SEM1: variants seen among roughly 807,000 people sequenced by gnomAD.
SEM1 encodes 26S proteasome complex subunit SEM1.
A neutral mutation model predicts 12.7 loss-of-function variants in SEM1; 3 were observed. The observed-to-expected ratio is 0.24, with a 90% CI of 0.11 to 0.61. SEM1 has a LOEUF of 0.61. Ranked by LOEUF, SEM1 falls within the 20% of genes least tolerant of loss-of-function variation. The pLI, the probability that SEM1 is intolerant of heterozygous loss-of-function variation, is 0.88. For synonymous variants in SEM1, 30 were observed against 27.8 expected, an observed-to-expected ratio of 1.08 and a Z score of -0.25; for missense variants, 59 against 81.3, an observed-to-expected ratio of 0.73 and a Z score of 1.06.
chr7:96,591,844 A>G (rs529126596), intron 2 of SEM1, among the ~76,000 whole-genome samples: 1 of 150,842 alleles, frequency 6.6e-6, no homozygotes, highest in South Asian at 2.1e-4. Context: ...AAAACAACAG[A>G]CATTTGCTAA....
At chr7:96,587,140 C>T (rs1337619417) in intron 2 of SEM1, among the ~76,000 whole-genome samples, 1 of 152,062 alleles carries the variant, frequency 6.6e-6, no homozygotes, top group Non-Finnish European at 1.5e-5. Context: ...AACATGAATA[C>T]ATTTATTAAC....
At chr7:96,667,759 C>T (rs914689827) in intron 2 of SEM1, among the ~76,000 whole-genome samples, 3 of 152,154 alleles carry the variant, frequency 2.0e-5, no homozygotes, top group Admixed American at 6.6e-5. Flanking sequence ...TTTCTTTAGT[C>T]CCAACGGCCT....
intron 2 of SEM1, among the ~76,000 whole-genome samples, chr7:96,526,472 T>G (rs1005794753): frequency 6.6e-6 from 1 of 151,976 alleles, no homozygotes; most frequent in African/African-American, 2.4e-5. Context: ...AGTCAGGAAG[T>G]GCTCAATGAA....
intron 2 of SEM1, among the ~76,000 whole-genome samples, chr7:96,555,797 G>A (rs1253017147): frequency 2.0e-5 from 3 of 148,278 alleles, no homozygotes; most frequent in African/African-American, 7.6e-5. Flanking sequence ...GGGTGTTAAA[G>A]TCTCCCATTA....
intron 2 of SEM1, among the ~76,000 whole-genome samples, chr7:96,607,189 T>C (rs1320231623): frequency 6.6e-6 from 1 of 152,222 alleles, no homozygotes; most frequent in Non-Finnish European, 1.5e-5. Flanking sequence ...TTCTCAGCTC[T>C]CATGGAGTTT....
At chr7:96,558,706 A>C (rs1805606473) in intron 2 of SEM1, among the ~76,000 whole-genome samples, 1 of 152,222 alleles carries the variant, frequency 6.6e-6, no homozygotes, top group African/African-American at 2.4e-5. Context: ...TAAACTGCTC[A>C]TTTGTTTATT....
At position 96,527,695 on chromosome 7, in the gene SEM1, T is replaced by C. The variant is rs73390929; in HGVS notation, c.171-20997A>G. 4.9e-3 allele frequency among the ~76,000 whole-genome samples: 748 copies of C among 152,270 alleles called. 4 individuals carry two copies. Among genetic ancestry groups the C allele is most frequent in the African/African-American group, 0.017 (722 of 41,578 alleles). The stretch of plus-strand genomic sequence containing the variant: ...GCAAGTTTATTAATTCACATCGTTA[T>C]CATTGTTATTATTGCCACAACTGGT... On this transcript the variant is annotated intron_variant and NMD_transcript_variant, in intron 2 of 3. Coordinates refer to the SEM1 transcript ENST00000466986.
At chr7:96,687,770 A>G (rs568223490), downstream of SEM1, among the ~76,000 whole-genome samples, 1 of 152,134 alleles carries the variant, frequency 6.6e-6, no homozygotes, top group East Asian at 1.9e-4. Context: ...GTACCCTAAA[A>G]CTTAAAGTAT....
intron 2 of SEM1, among the ~76,000 whole-genome samples, chr7:96,555,055 AT>A (rs1395545061): frequency 6.7e-6 from 1 of 149,900 alleles, no homozygotes; most frequent in Non-Finnish European, 1.5e-5. Context: ...CCCCTTTATC[AT>A]TTTTTATTGC....
chr7:96,697,215 A>C (rs1378743654), intron 1 of SEM1: 1 of 151,910 alleles, frequency 6.6e-6, no homozygotes, highest in Non-Finnish European at 1.5e-5. Context: ...CAGAATTGGA[A>C]ATAACCAGTA....
intron 2 of SEM1, among the ~76,000 whole-genome samples, chr7:96,613,910 T>G (rs567779115): frequency 1.3e-5 from 2 of 152,262 alleles, no homozygotes; most frequent in Non-Finnish European, 2.9e-5. Flanking sequence ...GTACTCCATT[T>G]TGTATCTATA....
intron 2 of SEM1, among the ~76,000 whole-genome samples, chr7:96,590,531 T>A (rs1178259347): frequency 2.0e-5 from 3 of 152,218 alleles, no homozygotes; most frequent in African/African-American, 7.2e-5. Flanking sequence ...TATACTGGGG[T>A]CTGAAACTGC....
chr7:96,609,083 T>C (rs1489824974), intron 2 of SEM1, among the ~76,000 whole-genome samples: 2 of 152,198 alleles, frequency 1.3e-5, no homozygotes, highest in African/African-American at 2.4e-5. Context: ...GTTCCTGCTT[T>C]TTCACATCCT....
chr7:96,592,906 A>C (rs887719995), intron 2 of SEM1, among the ~76,000 whole-genome samples: 3 of 151,722 alleles, frequency 2.0e-5, no homozygotes, highest in Admixed American at 6.6e-5. Context: ...GTTTAGGACC[A>C]AAAGCAACCC....
intron 2 of SEM1, among the ~76,000 whole-genome samples, chr7:96,515,968 A>G (rs975878257): frequency 6.6e-6 from 1 of 152,118 alleles, no homozygotes; most frequent in Admixed American, 6.6e-5. Context: ...TGGCACATGT[A>G]TACCTATATA....
downstream of SEM1, among the ~76,000 whole-genome samples, chr7:96,617,966 A>G (rs1159147920): frequency 6.6e-6 from 1 of 152,134 alleles, no homozygotes; most frequent in African/African-American, 2.4e-5. Context: ...TGTGTTCATC[A>G]GGGATATTGG....
chr7:96,622,511 G>T, downstream of SEM1: 1 of 689,094 alleles, frequency 1.5e-6, no homozygotes, highest in Non-Finnish European at 2.6e-6. Context: ...TGCCAAAGTT[G>T]CTGGAAGCTC....
chr7:96,581,209 A>G (rs1472436468), intron 2 of SEM1, among the ~76,000 whole-genome samples: 3 of 152,170 alleles, frequency 2.0e-5, no homozygotes, highest in Non-Finnish European at 4.4e-5. Context: ...TTTTCCCAGC[A>G]CCATTTATTA....
chr7:96,706,721 A>C (rs762175334), intron 1 of SEM1, among the ~76,000 whole-genome samples: 4 of 152,136 alleles, frequency 2.6e-5, no homozygotes, highest in Non-Finnish European at 5.9e-5. Flanking sequence ...CCACTCCCAA[A>C]AGAAAATCTA....
Sources: allele counts gnomAD v4.1 joint callset (sites outside exome capture counted in the v4.1 genomes callset), GRCh38; gene constraint gnomAD v4.1.1; transcripts MANE v1.5; gene names NCBI Gene and HGNC (gene_info 2026-07-23, HGNC 2026-07-21).